Variants in FAM13C observed in about 807,000 individuals in gnomAD.
FAM13C encodes family with sequence similarity 13 member C.
Under a neutral mutation model 73.2 loss-of-function variants are expected in FAM13C, and 37 were observed. The ratio of observed to expected loss-of-function variants is 0.51; its 90% CI spans 0.39 to 0.67. FAM13C has a LOEUF of 0.67. Ranked by LOEUF, FAM13C falls within the 30% of genes least tolerant of loss-of-function variation. The pLI is 0.00. For missense variants in FAM13C, 589 were observed against 715.6 expected (o/e 0.82, Z 2.02); for synonymous variants, 246 against 260.9 (o/e 0.94, Z 0.55).
chr10:59,296,494 A>T (rs1846941365), intron 5 of FAM13C, among the ~76,000 whole-genome samples: 1 of 152,190 alleles, frequency 6.6e-6, no homozygotes, highest in Non-Finnish European at 1.5e-5. Flanking sequence ...TTTCATATTG[A>T]TTTCAGGTAA....
intron 8 of FAM13C, 42 bp downstream of exon 8, chr10:59,268,511 C>A (rs779473298): frequency 1.9e-6 from 3 of 1,607,996 alleles, no homozygotes; most frequent in East Asian, 4.5e-5. Flanking sequence ...ATCCAGACAC[C>A]TCTGACCAAT....
intron 5 of FAM13C, among the ~76,000 whole-genome samples, chr10:59,299,924 A>T (rs1215590910): frequency 1.3e-5 from 2 of 152,144 alleles, no homozygotes; most frequent in East Asian, 3.9e-4. Context: ...TGGAATAAAA[A>T]ATGCAATTCC....
At chr10:59,317,695 T>C (rs1297654795) in intron 4 of FAM13C, among the ~76,000 whole-genome samples, 1 of 152,190 alleles carries the variant, frequency 6.6e-6, no homozygotes, top group African/African-American at 2.4e-5. Flanking sequence ...CATTCTTGTC[T>C]AGCTTTCTAT....
chr10:59,262,755 C>A, intron 9 of FAM13C, 110 bp from the exon 10 acceptor site: 1 of 876,318 alleles, frequency 1.1e-6, no homozygotes, highest in Non-Finnish European at 1.8e-6. Context: ...GAAATGAACA[C>A]TAATGATGGC....
At chr10:59,362,732 CTGGAGAGT>C (rs1856560197), upstream of FAM13C, 2 of 599,784 alleles carry the variant, frequency 3.3e-6, no homozygotes, top group Admixed American at 7.3e-5. Context: ...CGAGGAGCAC[CTGGAGAGT>C]TACCACACGA....
rs367867957 is a variant in FAM13C, at chr10:59,355,532, C to T, written c.119+355G>A. Among the ~76,000 whole-genome samples, 14 of 152,222 alleles carry T rather than the reference C, an allele frequency of 9.2e-5. 1 individual carries two copies. In the East Asian group the frequency reaches 1.7e-3, roughly 19 times the overall value. On this transcript the variant is annotated intron_variant, in intron 2 of 13. Coordinates refer to ENST00000618804, the MANE Select transcript of FAM13C (RefSeq NM_198215.4). ...GAAGGTTTTTCCACGATACTATAAG[C>T]CCTTGATGACCAAGACCATACTACA... is the stretch of plus-strand genomic sequence containing the variant.
chr10:59,314,857 G>A (rs1849342295), intron 4 of FAM13C, among the ~76,000 whole-genome samples: 1 of 152,102 alleles, frequency 6.6e-6, no homozygotes, highest in African/African-American at 2.4e-5. Context: ...AAGAAAAGAG[G>A]CATCTATGAT....
chr10:59,350,326 T>G (rs1854872530), intron 3 of FAM13C, among the ~76,000 whole-genome samples: 1 of 152,224 alleles, frequency 6.6e-6, no homozygotes, highest in African/African-American at 2.4e-5. Flanking sequence ...GACAACTGTG[T>G]AATTTCTGTG....
intron 3 of FAM13C, among the ~76,000 whole-genome samples, chr10:59,331,362 C>A (rs1047465437): frequency 6.6e-6 from 1 of 152,112 alleles, no homozygotes; most frequent in Admixed American, 6.6e-5. Flanking sequence ...TGTATCAAGG[C>A]AAACATGTGT....
chr10:59,257,115 C>A (rs1466126485), intron 10 of FAM13C, among the ~76,000 whole-genome samples: 1 of 152,106 alleles, frequency 6.6e-6, no homozygotes, highest in East Asian at 1.9e-4. Context: ...GATGATTATT[C>A]TTCCAGTTTC....
chr10:59,285,717 A>G (rs1845475868), intron 5 of FAM13C, among the ~76,000 whole-genome samples: 1 of 152,240 alleles, frequency 6.6e-6, no homozygotes, highest in Non-Finnish European at 1.5e-5. Flanking sequence ...TACAAAATTT[A>G]TACATTGAAG....
chr10:59,269,621 ATACT>A (rs991180604), intron 7 of FAM13C, among the ~76,000 whole-genome samples: 4 of 152,220 alleles, frequency 2.6e-5, no homozygotes, highest in South Asian at 4.1e-4. Context: ...GCATGTACAT[ATACT>A]TACTTAAGAT....
intron 13 of FAM13C, among the ~76,000 whole-genome samples, chr10:59,248,873 T>C (rs981392010): frequency 3.3e-5 from 5 of 152,168 alleles, no homozygotes. Context: ...AGTACAGAAC[T>C]CAGAACAGTA....
chr10:59,269,437 C>T (rs1843445430), intron 7 of FAM13C, among the ~76,000 whole-genome samples: 1 of 151,994 alleles, frequency 6.6e-6, no homozygotes, highest in Non-Finnish European at 1.5e-5. Flanking sequence ...CACACACACA[C>T]ACACACACAC....
chr10:59,257,002 G>A (rs1209147394), intron 10 of FAM13C, among the ~76,000 whole-genome samples: 4 of 152,006 alleles, frequency 2.6e-5, no homozygotes, highest in African/African-American at 9.7e-5. Flanking sequence ...AGGAAACAAG[G>A]TTTCCTTTAT....
intron 10 of FAM13C, among the ~76,000 whole-genome samples, chr10:59,261,683 T>A (rs866905066): frequency 2.5e-4 from 38 of 152,058 alleles, no homozygotes; most frequent in African/African-American, 8.7e-4. Flanking sequence ...GGTAGTTGCA[T>A]CTGTTATTCG....
intron 2 of FAM13C, 116 bp downstream of exon 2, chr10:59,355,771 A>G (rs1855633612): frequency 1.9e-6 from 2 of 1,069,798 alleles, no homozygotes; most frequent in African/African-American, 1.6e-5. Context: ...AGAAGAGATG[A>G]GACATGAGAA....
At chr10:59,335,145 A>G (rs1852551784) in intron 3 of FAM13C, among the ~76,000 whole-genome samples, 1 of 152,222 alleles carries the variant, frequency 6.6e-6, no homozygotes, top group Admixed American at 6.5e-5. Context: ...AACAGTCATT[A>G]GGGCTGTTTA....
chr10:59,347,391 A>C (rs1216605716), intron 3 of FAM13C, among the ~76,000 whole-genome samples: 1 of 152,146 alleles, frequency 6.6e-6, no homozygotes, highest in Non-Finnish European at 1.5e-5. Context: ...CTAAAATTTG[A>C]ATCTGATCCT....
Sources: gnomAD v4.1 joint callset for allele counts (sites outside exome capture counted in the v4.1 genomes callset) on GRCh38, gnomAD v4.1.1 for gene constraint, MANE v1.5 for transcripts, NCBI Gene and HGNC (gene_info 2026-07-23, HGNC 2026-07-21) for gene names.